IQCH: variants seen among roughly 807,000 people sequenced by gnomAD.
IQCH encodes the protein IQ domain-containing protein H.
Under a neutral mutation model 117.0 loss-of-function variants are expected in IQCH, and 98 were observed. The ratio of observed to expected loss-of-function variants is 0.84; its 90% CI spans 0.71 to 0.99. The LOEUF is 0.99. Ranked by LOEUF, IQCH falls within the 50% of genes least tolerant of loss-of-function variation. IQCH has a pLI of 0.00. For synonymous variants in IQCH, 412 were observed against 448.2 expected (o/e 0.92, Z 1.02); for missense variants, 1,102 against 1,243.8 (o/e 0.89, Z 1.72).
At position 67,493,244 on chromosome 15, in the gene IQCH, T is replaced by C. The variant is rs1033121467; in HGVS notation, c.2862-1014T>C. 6.6e-6 allele frequency among the ~76,000 whole-genome samples: 1 copy of C among 152,168 alleles called. No individual in the cohort carries two copies. The highest frequency in any genetic ancestry group is 1.5e-5 in the Non-Finnish European group (1 of 68,024). On this transcript the variant is annotated intron_variant, in intron 19 of 20. Coordinates refer to ENST00000335894, the MANE Select transcript of IQCH (RefSeq NM_001031715.3). The surrounding 1 kb of genome is among the most constrained non-coding windows in gnomAD (Gnocchi z 5.1). ...GGGCCTCAGAATTAACTGATCCTCATAGATGGGAAACTGAGGCTTAGAGAG... is the reference window on the plus strand; with the variant it reads ...GGGCCTCAGAATTAACTGATCCTCACAGATGGGAAACTGAGGCTTAGAGAG...
In IQCH at chr15:67,500,554, A is replaced by G. The variant is rs1268297597; in HGVS notation, c.2971-79A>G. On this transcript the variant is annotated intron_variant, in intron 20 of 20. Transcript: ENST00000335894. This position sits in a 1 kb window ranked among gnomAD's most constrained non-coding sequence, Gnocchi z 4.4. ...AATAGAACTGGTCTAAACCATGGTG[A>G]ACTCCCAAAAGGACCAGATGCTTGG... is the stretch of plus-strand genomic sequence containing the variant. The G allele has an allele frequency of 1.5e-6, 1 of 670,084 alleles. No homozygotes were observed. The highest frequency in any genetic ancestry group is 2.6e-6 in the Non-Finnish European group (1 of 388,036). The allele number at this position is 670,084 out of a possible 1,614,324, so 41.5% of individuals were successfully genotyped here.
chr15:67,359,735 G>C lies in IQCH; in HGVS notation c.715-112G>C. 1.1e-6 allele frequency: 1 copy of C among 889,874 alleles called. No individual in the cohort carries two copies. The highest frequency in any genetic ancestry group is 1.9e-6 in the Non-Finnish European group (1 of 524,662). The allele number at this position is 889,874 out of a possible 1,614,324, so 55.1% of individuals were successfully genotyped here. ...CCTGCGTGGAAAGAGAGAACAGGCT[G>C]GCCCAGCGGGTAAAATGGGGAAGGG... On this transcript the variant is annotated intron_variant, in intron 7 of 20. Transcript: ENST00000335894. This position sits in a 1 kb window ranked among gnomAD's most constrained non-coding sequence, Gnocchi z 4.5.
In IQCH at chr15:67,490,021, TTTATA is replaced by T. The variant is rs746646620; in HGVS notation, c.2825_2829del (p.Leu942Ter). ...TTTACAGGAAAGGCAAGGAACTGTT[TTTATA>T]TTATATGAGCACCTGAAGAGACACA... On this transcript the variant is annotated frameshift_variant, in exon 19 of 21. Transcript: ENST00000335894. LOFTEE classifies it high-confidence loss of function. The surrounding 1 kb of genome is among the most constrained non-coding windows in gnomAD (Gnocchi z 4.9). The T allele has an allele frequency of 1.2e-6, 2 of 1,611,256 alleles. No individual in the cohort carries two copies. The highest frequency in any genetic ancestry group is 1.1e-5 in the South Asian group (1 of 90,970).
At chr15:67,290,947 A>AG (rs35782264) in intron 4 of IQCH, among the ~76,000 whole-genome samples, 102,619 of 151,890 alleles carry the variant, frequency 0.68, 35,264 homozygotes, top group Middle Eastern at 0.84. Flanking sequence ...GCTGGCCTTT[A>AG]TGGGCCAGGA....
intron 4 of IQCH, among the ~76,000 whole-genome samples, chr15:67,335,835 A>C (rs933602124): frequency 6.6e-5 from 10 of 152,256 alleles, no homozygotes; most frequent in African/African-American, 2.2e-4. Context: ...AAACATCATC[A>C]AAGTGTTTGA....
intron 12 of IQCH, among the ~76,000 whole-genome samples, chr15:67,394,837 C>T (rs749800970): frequency 2.0e-4 from 30 of 152,146 alleles, no homozygotes; most frequent in Middle Eastern, 6.8e-3. Context: ...GGGTCAAGTG[C>T]CTTTTTCCTA....
At position 67,416,875 on chromosome 15, in the gene IQCH, C is replaced by T; in HGVS notation, c.2098-56C>T. On this transcript the variant is annotated intron_variant, in intron 14 of 20. Coordinates refer to ENST00000335894, the MANE Select transcript of IQCH (RefSeq NM_001031715.3). The surrounding 1 kb of genome is among the most constrained non-coding windows in gnomAD (Gnocchi z 5.1). ...GCCTGGTTTTTAATCACTCCACAAG[C>T]AGTTTTCATTTCTGTAGTAAAATTG... is the stretch of plus-strand genomic sequence containing the variant. 1 of 1,472,884 alleles carries T rather than the reference C, an allele frequency of 6.8e-7. No homozygotes were observed. Among genetic ancestry groups the T allele is most frequent in the Non-Finnish European group, 9.1e-7 (1 of 1,104,618 alleles). The allele number at this position is 1,472,884 out of a possible 1,614,324, so 91.2% of individuals were successfully genotyped here. A position where few individuals can be genotyped will look rare whatever the true frequency, so the allele number is the denominator to read the frequency against.
At chr15:67,482,471 C>A (rs1258431505) in intron 18 of IQCH, among the ~76,000 whole-genome samples, 1 of 152,138 alleles carries the variant, frequency 6.6e-6, no homozygotes, top group Non-Finnish European at 1.5e-5. Flanking sequence ...TCATGGATCA[C>A]CCATAGTTAT....
intron 4 of IQCH, among the ~76,000 whole-genome samples, chr15:67,317,288 C>T (rs1304219007): frequency 1.3e-5 from 2 of 152,138 alleles, no homozygotes; most frequent in Admixed American, 6.5e-5. Flanking sequence ...CTGCAACCTC[C>T]ACCTCCTAGG....
rs533580477 is a variant in IQCH, at chr15:67,290,381, G to A, written c.387+10869G>A. Among the ~76,000 whole-genome samples, 4 of 152,118 alleles carry A rather than the reference G, an allele frequency of 2.6e-5. No homozygotes were observed. The East Asian group carries it at 5.8e-4, about 22-fold the overall frequency. ...ATCAAAATGTAATCTTTTAAAAGGT[G>A]TTTTAAGCAAAAATCTCTGCTTAAA... On this transcript the variant is annotated intron_variant, in intron 4 of 20. Transcript: ENST00000335894.
rs1015016300 is a variant in IQCH at position 67,365,978 on chromosome 15, G to A, written c.753+6093G>A. Reference sequence around the variant, plus strand: ...GTAGGTATAGAGAATATGACAAGGTGGAGCTCTGTAGGAATTTTGCAAGTG... The same window carrying A: ...GTAGGTATAGAGAATATGACAAGGTAGAGCTCTGTAGGAATTTTGCAAGTG... On this transcript the variant is annotated intron_variant, in intron 8 of 20. Coordinates refer to ENST00000335894, the MANE Select transcript of IQCH (RefSeq NM_001031715.3). The surrounding 1 kb of genome is among the most constrained non-coding windows in gnomAD (Gnocchi z 4.4). Among the ~76,000 whole-genome samples, 5 of 152,074 alleles carry A rather than the reference G, an allele frequency of 3.3e-5. No individual in the cohort carries two copies. In the East Asian group the frequency reaches 9.6e-4, roughly 29 times the overall value.
chr15:67,303,330 C>T (rs753377044), intron 4 of IQCH, among the ~76,000 whole-genome samples: 2 of 152,096 alleles, frequency 1.3e-5, no homozygotes, highest in Middle Eastern at 3.4e-3. Context: ...GTCTCATTTT[C>T]GGGGGATGCA....
At chr15:67,358,287 G>C (rs7496941) in intron 7 of IQCH, among the ~76,000 whole-genome samples, 138,242 of 138,520 alleles carry the variant, frequency 1, 68,983 homozygotes, top group Middle Eastern at 1. Flanking sequence ...CTCTGGCTCC[G>C]AGATTCAAGT....
At position 67,406,781 on chromosome 15, in the gene IQCH, C is replaced by T. The variant is rs1178363798; in HGVS notation, c.2097+6476C>T. The T allele has an allele frequency of 6.6e-6, 1 of 152,164 alleles. No individual in the cohort carries two copies. The highest frequency in any genetic ancestry group is 1.9e-4 in the East Asian group (1 of 5,196). 9.4% of individuals were successfully genotyped at this position (152,164 alleles called of 1,614,324 possible). A position where few individuals can be genotyped will look rare whatever the true frequency, so the allele number is the denominator to read the frequency against. On this transcript the variant is annotated intron_variant, in intron 14 of 20. Coordinates refer to ENST00000335894, the MANE Select transcript of IQCH (RefSeq NM_001031715.3). This position sits in a 1 kb window ranked among gnomAD's most constrained non-coding sequence, Gnocchi z 4.5. ...CAAATTACTTCAGCTCTCCAAGTCT[C>T]CCTTTCTCTATCTGTAAAGAGAGAT...
chr15:67,371,457 C>T, intron 8 of IQCH: 3 of 1,547,840 alleles, frequency 1.9e-6, no homozygotes, highest in Non-Finnish European at 2.6e-6. Context: ...CTGGGACAGC[C>T]CCAGATATGT....
At chr15:67,488,460 C>T (rs150269524) in intron 18 of IQCH, among the ~76,000 whole-genome samples, 34 of 152,284 alleles carry the variant, frequency 2.2e-4, no homozygotes, top group East Asian at 1.7e-3. Flanking sequence ...ACAAGGGGAA[C>T]AGGAAAGGGA....
intron 1 of IQCH, chr15:67,255,372 A>G (rs1467816988): frequency 6.1e-6 from 1 of 165,162 alleles, no homozygotes; most frequent in African/African-American, 2.4e-5. Flanking sequence ...CTTTTCTTAA[A>G]CACCCCAGTT....
chr15:67,375,439 T>C (rs924985384), intron 10 of IQCH, among the ~76,000 whole-genome samples: 2 of 151,940 alleles, frequency 1.3e-5, no homozygotes, highest in South Asian at 4.1e-4. Context: ...ATTAATAAAA[T>C]AAAATAAATT....
chr15:67,257,735 T>G (rs1034718036), intron 1 of IQCH, among the ~76,000 whole-genome samples: 2 of 152,252 alleles, frequency 1.3e-5, no homozygotes, highest in Non-Finnish European at 2.9e-5. Flanking sequence ...ACCCAAATAT[T>G]AAATGTTTGT....
Sources: gnomAD v4.1 joint callset for allele counts (sites outside exome capture counted in the v4.1 genomes callset) on GRCh38, gnomAD v4.1.1 for gene constraint, Gnocchi (gnomAD v3.1) non-coding constraint, MANE v1.5 for transcripts, NCBI Gene and HGNC (gene_info 2026-07-23, HGNC 2026-07-21) for gene names.